Variants in GATAD1 observed in about 807,000 individuals in gnomAD.
GATAD1 encodes the protein GATA zinc finger domain-containing protein 1.
A neutral mutation model predicts 26.5 loss-of-function variants in GATAD1; 12 were observed. The ratio of observed to expected loss-of-function variants is 0.45; its 90% CI spans 0.29 to 0.73. The LOEUF is 0.73. GATAD1 is among the 30% of genes least tolerant of loss of function. The pLI is 0.10. For synonymous variants in GATAD1, 129 were observed against 133.1 expected (o/e 0.97, Z 0.21); for missense variants, 266 against 342.1 (o/e 0.78, Z 1.75).
At chr7:92,449,252 T>C in intron 2 of GATAD1, 1 of 819,116 alleles carries the variant, frequency 1.2e-6, no homozygotes, top group Non-Finnish European at 1.5e-6. Context: ...TCTTTAAAAA[T>C]CTAAGTAAAT....
Position 92,447,714 on chromosome 7 carries a change from G to C in GATAD1, c.-16G>C. 1 of 1,450,220 alleles carries C rather than the reference G, an allele frequency of 6.9e-7. No homozygotes were observed. The highest frequency in any genetic ancestry group is 1.4e-5 in the South Asian group (1 of 73,118). 89.8% of individuals were successfully genotyped at this position (1,450,220 alleles called of 1,614,324 possible). ...CCGTGTCTCTGCGCCCGCGGGGGCC[G>C]CCCGAGCCGGCCACCATGCCGCTGG... On this transcript the variant is annotated 5_prime_UTR_variant, in exon 1 of 5. Transcript: ENST00000287957.
At chr7:92,493,132 GA>G in the GATAD1 span, 1 of 1,529,308 alleles carries the variant, frequency 6.5e-7, no homozygotes, top group Non-Finnish European at 9.0e-7. Context: ...CGTGACACCT[GA>G]AAGGAGAAAA....
chr7:92,495,275 A>C, the GATAD1 span, among the ~76,000 whole-genome samples: 2 of 152,306 alleles, frequency 1.3e-5, no homozygotes, highest in Admixed American at 1.3e-4. Flanking sequence ...GGTGGACTAG[A>C]TGTCTGGCGA....
chr7:92,490,048 A>T, the GATAD1 span: 1 of 736,562 alleles, frequency 1.4e-6, no homozygotes, highest in Non-Finnish European at 2.3e-6. Flanking sequence ...AATTAACTGA[A>T]ATTAAGCAAG....
chr7:92,463,999 T>G (rs1790017279), downstream of GATAD1, among the ~76,000 whole-genome samples: 1 of 152,136 alleles, frequency 6.6e-6, no homozygotes, highest in Non-Finnish European at 1.5e-5. Flanking sequence ...AGTTTTGTTA[T>G]GCATATTTTA....
chr7:92,484,787 G>C, the GATAD1 span, among the ~76,000 whole-genome samples: 40 of 152,212 alleles, frequency 2.6e-4, 2 homozygotes, highest in Non-Finnish European at 4.4e-5. Flanking sequence ...TGAGGGCAAG[G>C]ACAGGGGACT....
At chr7:92,453,879 G>C (rs576036124) in intron 3 of GATAD1, among the ~76,000 whole-genome samples, 1 of 152,334 alleles carries the variant, frequency 6.6e-6, no homozygotes, top group East Asian at 1.9e-4. Context: ...AGTAGGGATA[G>C]TACGGAGCAC....
chr7:92,469,809 G>A, the GATAD1 span: 119 of 767,960 alleles, frequency 1.5e-4, no homozygotes, highest in Non-Finnish European at 2.9e-5. Flanking sequence ...TGAAGTTCAG[G>A]GGGAGGCATA....
At chr7:92,487,162 T>C in the GATAD1 span, 1 of 196,550 alleles carries the variant, frequency 5.1e-6, no homozygotes, top group Non-Finnish European at 1.0e-5. Context: ...TTTATTATCT[T>C]TTCCTCAAAA....
At chr7:92,463,252 T>C (rs1006783996), downstream of GATAD1, among the ~76,000 whole-genome samples, 1 of 152,182 alleles carries the variant, frequency 6.6e-6, no homozygotes, top group African/African-American at 2.4e-5. Context: ...GTATTGTGGG[T>C]ACAAATTTTC....
At chr7:92,471,962 G>A in the GATAD1 span, 1 of 152,184 alleles carries the variant, frequency 6.6e-6, no homozygotes, top group African/African-American at 2.4e-5. Flanking sequence ...TTCCTGGAGT[G>A]AGGGGATTAC....
chr7:92,482,504 C>T, the GATAD1 span, among the ~76,000 whole-genome samples: 49 of 152,082 alleles, frequency 3.2e-4, 1 homozygote, highest in African/African-American at 1.2e-3. Flanking sequence ...GGCTTCAATC[C>T]CTTTAAAGCC....
At chr7:92,478,298 A>C in the GATAD1 span, among the ~76,000 whole-genome samples, 1 of 152,198 alleles carries the variant, frequency 6.6e-6, no homozygotes, top group African/African-American at 2.4e-5. Flanking sequence ...TATGTCACAT[A>C]GCCACAAATG....
chr7:92,452,977 T>C (rs1431843012), intron 3 of GATAD1, among the ~76,000 whole-genome samples: 8 of 152,224 alleles, frequency 5.3e-5, no homozygotes, highest in Admixed American at 5.2e-4. Flanking sequence ...AACTTTGGAC[T>C]GATGGCTGGG....
chr7:92,483,000 A>C, the GATAD1 span, among the ~76,000 whole-genome samples: 1 of 152,224 alleles, frequency 6.6e-6, no homozygotes, highest in Non-Finnish European at 1.5e-5. Context: ...CCTGAAGCTC[A>C]GTATCCGTGA....
At chr7:92,491,486 G>T in the GATAD1 span, 9 of 1,608,506 alleles carry the variant, frequency 5.6e-6, no homozygotes, top group Non-Finnish European at 7.7e-6. Context: ...GTCACTATCA[G>T]AGCTGGAACT....
chr7:92,480,461 C>A, the GATAD1 span, among the ~76,000 whole-genome samples: 3 of 152,136 alleles, frequency 2.0e-5, no homozygotes, highest in Admixed American at 6.5e-5. Context: ...AGATGGAACA[C>A]TGAGAAGTGA....
chr7:92,456,433 T>G lies in GATAD1; in HGVS notation c.681T>G (p.Ser227=). 2.5e-6 allele frequency: 4 copies of G among 1,613,026 alleles called. No homozygotes were observed. The highest frequency in any genetic ancestry group is 3.4e-6 in the Non-Finnish European group (4 of 1,178,986). Reference sequence around the variant, plus strand: ...TGGAATTTGTTTGTCATGCACCTTCTGAGTATTTCAAGTCACGGTCATCAC... The same window carrying G: ...TGGAATTTGTTTGTCATGCACCTTCGGAGTATTTCAAGTCACGGTCATCAC... The part of the protein sequence containing the change: ...EYLEFVCHAP[S]EYFKSRSSPF... Residue 227 remains serine, a synonymous_variant, in exon 5 of 5, where the codon TCT becomes TCG. Coordinates refer to ENST00000287957, the MANE Select transcript of GATAD1 (RefSeq NM_021167.5).
chr7:92,489,255 AT>A, the GATAD1 span: 2 of 1,579,792 alleles, frequency 1.3e-6, no homozygotes, highest in Non-Finnish European at 1.7e-6. Flanking sequence ...GTCACTTGTA[AT>A]AGTAGCTGTA....
Sources: allele counts gnomAD v4.1 joint callset (sites outside exome capture counted in the v4.1 genomes callset), GRCh38; gene constraint gnomAD v4.1.1; transcripts MANE v1.5; gene names NCBI Gene and HGNC (gene_info 2026-07-23, HGNC 2026-07-21).